Variants in VPS53 observed in about 807,000 individuals in gnomAD.
The protein encoded by VPS53 is VPS53 subunit of GARP complex, also known as vacuolar protein sorting-associated protein 53 homolog.
A neutral mutation model predicts 107.0 loss-of-function variants in VPS53; 70 were observed. That is an observed-to-expected ratio of 0.65 (90% CI 0.54 to 0.80). The LOEUF is 0.80. Ranked by LOEUF, VPS53 falls within the 30% of genes least tolerant of loss-of-function variation. The probability of loss-of-function intolerance (pLI) is 0.00; values close to 1 mark genes in which losing one functional copy is unlikely to be tolerated. For synonymous variants in VPS53, 409 were observed against 393.3 expected, an observed-to-expected ratio of 1.04 and a Z score of -0.47; for missense variants, 917 against 1,049.4, an observed-to-expected ratio of 0.87 and a Z score of 1.74.
chr17:685,864 T>C (rs1314453545), intron 4 of VPS53, among the ~76,000 whole-genome samples: 1 of 152,056 alleles, frequency 6.6e-6, no homozygotes, highest in East Asian at 1.9e-4. Flanking sequence ...ATTAAAAAAT[T>C]AGCCAGACAT....
chr17:599,166 G>A (rs1457081667), intron 12 of VPS53, among the ~76,000 whole-genome samples: 10 of 150,834 alleles, frequency 6.6e-5, no homozygotes, highest in South Asian at 2.1e-4. Flanking sequence ...CGCCCCGCCC[G>A]GGAGGTGAGG....
At chr17:688,779 G>A (rs1278948463) in intron 4 of VPS53, among the ~76,000 whole-genome samples, 5 of 152,266 alleles carry the variant, frequency 3.3e-5, no homozygotes, top group African/African-American at 7.2e-5. Flanking sequence ...CTGTGAGCCC[G>A]AATCAAAACT....
Position 517,301 on chromosome 17 carries a change from G to C in VPS53, c.*1827C>G. The stretch of plus-strand genomic sequence containing the variant: ...CGCTTGATGCGTGAGAGTCAAACCA[G>C]CTAGCAAGGACAGCCTGGAAGCCGA... On this transcript the variant is annotated 3_prime_UTR_variant, in exon 22 of 22. Coordinates refer to ENST00000437048, the MANE Select transcript of VPS53 (RefSeq NM_001128159.3). 1 of 395,858 alleles carries C rather than the reference G, an allele frequency of 2.5e-6. No individual in the cohort carries two copies. The highest frequency in any genetic ancestry group is 4.5e-6 in the Non-Finnish European group (1 of 224,578). 24.5% of individuals were successfully genotyped at this position (395,858 alleles called of 1,614,324 possible).
intron 17 of VPS53, among the ~76,000 whole-genome samples, chr17:549,673 G>C (rs902144017): frequency 6.6e-6 from 1 of 152,174 alleles, no homozygotes; most frequent in Admixed American, 6.5e-5. Flanking sequence ...GTTCAGGAGA[G>C]ATGGCAGCTG....
chr17:649,872 T>C (rs1970869120), intron 7 of VPS53, among the ~76,000 whole-genome samples: 1 of 152,266 alleles, frequency 6.6e-6, no homozygotes, highest in Admixed American at 6.5e-5. Context: ...AAGAATCAGC[T>C]AGATATGCTG....
intron 13 of VPS53, among the ~76,000 whole-genome samples, chr17:572,280 T>C (rs1315213214): frequency 6.8e-6 from 1 of 146,756 alleles, no homozygotes; most frequent in South Asian, 2.2e-4. Flanking sequence ...CCGCCCCATC[T>C]GAGAAGGGAG....
At chr17:647,738 C>A (rs1030977390) in intron 7 of VPS53, among the ~76,000 whole-genome samples, 1 of 152,152 alleles carries the variant, frequency 6.6e-6, no homozygotes, top group African/African-American at 2.4e-5. Flanking sequence ...AAGATGCACA[C>A]TGAGCACACG....
In VPS53 at chr17:697,438, C is replaced by T. The variant is rs781671485; in HGVS notation, c.265G>A (p.Val89Met). Residue 89 changes from valine to methionine, a missense_variant, in exon 4 of 22, where the codon GTG (valine) becomes ATG (methionine). Coordinates refer to ENST00000437048, the MANE Select transcript of VPS53 (RefSeq NM_001128159.3). ...IRTVVRGQTN[V>M]GQDGRQALEE... Reference sequence around the variant, plus strand: ...CTTACTTGCCGTCCATCCTGCCCCACGTTCGTCTGACCTCTTACAACAGTT... The same window carrying T: ...CTTACTTGCCGTCCATCCTGCCCCATGTTCGTCTGACCTCTTACAACAGTT... 7 of 1,614,116 alleles carry T rather than the reference C, an allele frequency of 4.3e-6. No homozygotes were observed. The Admixed American group carries it at 8.3e-5, about 19-fold the overall frequency.
chr17:630,062 G>A (rs1969888457), intron 8 of VPS53, among the ~76,000 whole-genome samples: 1 of 152,124 alleles, frequency 6.6e-6, no homozygotes, highest in South Asian at 2.1e-4. Flanking sequence ...GGGAGGCCGA[G>A]GCGGGCGGAT....
At chr17:530,608 C>T (rs1371381553) in intron 19 of VPS53, among the ~76,000 whole-genome samples, 2 of 151,946 alleles carry the variant, frequency 1.3e-5, no homozygotes, top group African/African-American at 4.8e-5. Context: ...CCTTGTTGTC[C>T]TAGCCAGGAC....
chr17:618,482 C>T (rs543201148), intron 11 of VPS53, among the ~76,000 whole-genome samples: 1 of 150,490 alleles, frequency 6.6e-6, no homozygotes, highest in East Asian at 2.0e-4. Context: ...TCCCGGGTAG[C>T]TGGGACTACA....
At chr17:599,111 C>A (rs1221628803) in intron 12 of VPS53, among the ~76,000 whole-genome samples, 1 of 146,920 alleles carries the variant, frequency 6.8e-6, no homozygotes, top group Non-Finnish European at 1.5e-5. Flanking sequence ...GCCAGCCGCC[C>A]CGTCCGGGAG....
rs1455129788 is a variant in VPS53, at chr17:567,136, ATACT to A, written c.1314-4395_1314-4392del. Among the ~76,000 whole-genome samples the A allele has an allele frequency of 7.2e-5, 11 of 152,192 alleles. No homozygotes were observed. The South Asian group carries it at 1.9e-3, about 26-fold the overall frequency. ...ACTCACCTGTTCCCCTAGAAGATGGATACTTACTTACTTGCTTCCTATTTCAGAG... is the reference window on the plus strand; with the variant it reads ...ACTCACCTGTTCCCCTAGAAGATGGATACTTACTTGCTTCCTATTTCAGAG... On this transcript the variant is annotated intron_variant, in intron 13 of 21. Transcript: ENST00000437048.
chr17:619,316 C>CAT (rs1567681003), intron 11 of VPS53, among the ~76,000 whole-genome samples: 2 of 146,676 alleles, frequency 1.4e-5, no homozygotes, highest in East Asian at 2.1e-4. Context: ...GGACTACAGG[C>CAT]GCGCACCACC....
At chr17:593,553 A>C (rs1450748723) in intron 12 of VPS53, among the ~76,000 whole-genome samples, 2 of 152,232 alleles carry the variant, frequency 1.3e-5, no homozygotes, top group East Asian at 3.8e-4. Context: ...AAAACACATG[A>C]AAAAATGCTC....
At chr17:593,056 G>C (rs1259512211) in intron 12 of VPS53, among the ~76,000 whole-genome samples, 19 of 152,036 alleles carry the variant, frequency 1.2e-4, no homozygotes, top group Non-Finnish European at 2.6e-4. Context: ...CAAGAAATGG[G>C]GAAAGGATTC....
intron 5 of VPS53, among the ~76,000 whole-genome samples, chr17:661,091 G>A (rs1324921963): frequency 6.6e-6 from 1 of 151,864 alleles, no homozygotes; most frequent in Non-Finnish European, 1.5e-5. Context: ...CCCTCCTCCC[G>A]GCTCCAGGAC....
chr17:543,535 G>A (rs1228241468), intron 17 of VPS53, among the ~76,000 whole-genome samples: 4 of 151,888 alleles, frequency 2.6e-5, no homozygotes, highest in Admixed American at 1.3e-4. Context: ...GAAAAGGCAC[G>A]GAGAGAGGCG....
rs771435190 is a variant in VPS53 at position 697,443 on chromosome 17, G to T, written c.260C>A (p.Thr87Lys). Residue 87 changes from threonine (T) to lysine (K), a missense_variant, in exon 4 of 22, where the codon ACG becomes AAG. By Grantham distance (78) the Thr-to-Lys change is moderately conservative. Transcript: ENST00000437048. ...TTGCCGTCCATCCTGCCCCACGTTC[G>T]TCTGACCTCTTACAACAGTTCGAAT... is the stretch of plus-strand genomic sequence containing the variant. The part of the protein sequence containing the change: ...DNIRTVVRGQ[T>K]NVGQDGRQAL... 1.2e-6 allele frequency: 2 copies of T among 1,613,926 alleles called. No homozygotes were observed. The highest frequency in any genetic ancestry group is 1.7e-6 in the Non-Finnish European group (2 of 1,179,920).
Sources: allele counts gnomAD v4.1 joint callset (sites outside exome capture counted in the v4.1 genomes callset), GRCh38; gene constraint gnomAD v4.1.1; transcripts MANE v1.5; gene names NCBI Gene and HGNC (gene_info 2026-07-23, HGNC 2026-07-21).